Variants in ZMYND8 observed in about 807,000 individuals in gnomAD.
The protein encoded by ZMYND8 is zinc finger MYND-type containing 8.
In ZMYND8, 37 loss-of-function variants were observed where a neutral mutation model predicts 140.8. That is an observed-to-expected ratio of 0.26 (90% CI 0.20 to 0.35). The LOEUF (loss-of-function observed/expected upper bound fraction) is 0.35. ZMYND8 is among the 10% of genes least tolerant of loss of function. ZMYND8 has a pLI of 1.00. For synonymous variants in ZMYND8, 592 were observed against 597.1 expected, an observed-to-expected ratio of 0.99 and a Z score of 0.12; for missense variants, 1,068 against 1,570.0, an observed-to-expected ratio of 0.68 and a Z score of 5.40.
At chr20:47,255,691 A>G (rs7264131) in intron 12 of ZMYND8, among the ~76,000 whole-genome samples, 38,466 of 85,918 alleles carry the variant, frequency 0.45, 8,647 homozygotes, top group East Asian at 0.53. Context: ...GTGTGTGTGT[A>G]TATATATATA....
chr20:47,222,605 C>G (rs2037145967), intron 19 of ZMYND8, among the ~76,000 whole-genome samples: 1 of 151,810 alleles, frequency 6.6e-6, no homozygotes, highest in African/African-American at 2.4e-5. Flanking sequence ...AATTATGTCA[C>G]AAAAAAAGGA....
At chr20:47,293,652 T>C (rs1041720111) in intron 5 of ZMYND8, among the ~76,000 whole-genome samples, 14 of 152,154 alleles carry the variant, frequency 9.2e-5, no homozygotes, top group African/African-American at 3.4e-4. Flanking sequence ...TTTTCCTAAC[T>C]CCCATGGGAA....
intron 2 of ZMYND8, among the ~76,000 whole-genome samples, chr20:47,324,238 C>A (rs574193531): frequency 6.7e-6 from 1 of 150,334 alleles, no homozygotes; most frequent in Non-Finnish European, 1.5e-5. Flanking sequence ...AAACCTTTAC[C>A]GGTCGTGGTG....
chr20:47,224,864 T>G (rs992444175), intron 18 of ZMYND8, among the ~76,000 whole-genome samples: 17 of 152,134 alleles, frequency 1.1e-4, no homozygotes, highest in Non-Finnish European at 1.8e-4. Context: ...TTGAAACAAC[T>G]GCCACCAAAA....
At position 47,224,498 on chromosome 20, in the gene ZMYND8, G is replaced by C. The variant is rs200126784; in HGVS notation, c.3075C>G (p.Ala1025=). The change falls in exon 19 of 23, where the codon GCC becomes GCG. Residue 1025 remains alanine, a synonymous_variant. Transcript: ENST00000471951. ...SLEQERDRLI[A]EVKKQLELEK... is the part of the protein sequence containing the mutation. Reference sequence around the variant, plus strand: ...CCAACTCCAGCTGCTTCTTCACCTCGGCGATGAGCCGGTCCCGCTCCTGCT... The same window carrying C: ...CCAACTCCAGCTGCTTCTTCACCTCCGCGATGAGCCGGTCCCGCTCCTGCT... 6.2e-7 allele frequency: 1 copy of C among 1,614,140 alleles called. No individual in the cohort carries two copies.
chr20:47,349,107 A>G (rs2082572177), intron 1 of ZMYND8: 1 of 152,248 alleles, frequency 6.6e-6, no homozygotes, highest in Admixed American at 6.5e-5. Context: ...AGGCCCAAAA[A>G]GACAGCCTCA....
chr20:47,324,446 G>A (rs2080244717), intron 2 of ZMYND8, among the ~76,000 whole-genome samples: 1 of 152,138 alleles, frequency 6.6e-6, no homozygotes, highest in Non-Finnish European at 1.5e-5. Flanking sequence ...TTGAACCTGG[G>A]AGGCGGAGGC....
chr20:47,282,014 A>G (rs900612726), intron 10 of ZMYND8, 88 bp downstream of exon 10: 49 of 1,058,032 alleles, frequency 4.6e-5, no homozygotes, highest in Admixed American at 9.6e-5. Flanking sequence ...TGAGAATAAT[A>G]GCTGCAGCCT....
intron 2 of ZMYND8, among the ~76,000 whole-genome samples, chr20:47,316,690 G>A (rs1220951796): frequency 1.3e-5 from 2 of 151,866 alleles, no homozygotes; most frequent in Non-Finnish European, 2.9e-5. Context: ...AGCTACTTGG[G>A]AGGCTGAGGC....
intron 7 of ZMYND8, among the ~76,000 whole-genome samples, chr20:47,287,837 A>AAG (rs1569103923): frequency 1.1e-5 from 1 of 89,870 alleles, no homozygotes; most frequent in African/African-American, 7.3e-5. Context: ...AGAAAAAAAC[A>AAG]ACACACACAC....
At chr20:47,286,191 TC>T (rs1261058790) in intron 8 of ZMYND8, among the ~76,000 whole-genome samples, 4 of 151,444 alleles carry the variant, frequency 2.6e-5, no homozygotes, top group African/African-American at 7.3e-5. Context: ...TTTTTTTTTT[TC>T]TCGGAGACAG....
chr20:47,348,714 A>G (rs1437736007), intron 1 of ZMYND8: 1 of 152,196 alleles, frequency 6.6e-6, no homozygotes, highest in East Asian at 1.9e-4. Context: ...TCCGTCACCC[A>G]GAACATTCTC....
chr20:47,292,029 G>A (rs1272676309), intron 5 of ZMYND8, 141 bp from the exon 6 acceptor site: 2 of 611,936 alleles, frequency 3.3e-6, no homozygotes, highest in East Asian at 3.4e-5. Context: ...GATGACCGTG[G>A]GGAGCTCCAA....
At chr20:47,342,996 C>G (rs2082034988) in intron 2 of ZMYND8, among the ~76,000 whole-genome samples, 1 of 150,950 alleles carries the variant, frequency 6.6e-6, no homozygotes, top group Non-Finnish European at 1.5e-5. Context: ...AATAAATAGG[C>G]CAGCCGGGCA....
At chr20:47,224,684 C>A in intron 18 of ZMYND8, 128 bp from the exon 19 acceptor site, 1 of 1,502,504 alleles carries the variant, frequency 6.7e-7, no homozygotes, top group Admixed American at 1.9e-5. Flanking sequence ...GCTGTGTGCC[C>A]ATGGGCAATA....
At chr20:47,356,332 A>AG in intron 1 of ZMYND8, 1 of 1,390,048 alleles carries the variant, frequency 7.2e-7, no homozygotes, top group South Asian at 1.3e-5. Context: ...GAAGAGGGAA[A>AG]GAAAAAAAAA....
chr20:47,291,734 G>T, intron 6 of ZMYND8, 62 bp downstream of exon 6: 2 of 1,348,312 alleles, frequency 1.5e-6, no homozygotes, highest in Non-Finnish European at 2.0e-6. Context: ...AGGCAGTGAG[G>T]GAAGAGCCTT....
intron 1 of ZMYND8, chr20:47,354,128 T>C (rs1446507748): frequency 6.6e-6 from 1 of 152,146 alleles, no homozygotes; most frequent in African/African-American, 2.4e-5. Context: ...AATTAACTTT[T>C]TACAGACTCA....
chr20:47,233,500 C>T (rs1354054576), intron 16 of ZMYND8, among the ~76,000 whole-genome samples: 3 of 152,188 alleles, frequency 2.0e-5, no homozygotes, highest in Non-Finnish European at 4.4e-5. Context: ...CTGGCTCAAA[C>T]AGCCACACTG....
Sources: allele counts gnomAD v4.1 joint callset (sites outside exome capture counted in the v4.1 genomes callset), GRCh38; gene constraint gnomAD v4.1.1; transcripts MANE v1.5; gene names NCBI Gene and HGNC (gene_info 2026-07-23, HGNC 2026-07-21).